The following ATP8A2 variants were observed in gnomAD, a reference collection of about 807,000 sequenced individuals.
ATP8A2 encodes the protein ATPase phospholipid transporting 8A2, also known as phospholipid-transporting ATPase IB.
In ATP8A2, 100 loss-of-function variants were observed where a neutral mutation model predicts 165.6. That is an observed-to-expected ratio of 0.60 (90% confidence interval 0.51 to 0.71). The LOEUF (loss-of-function observed/expected upper bound fraction) is 0.71. Among genes scored for constraint, ATP8A2 ranks in the 30% least tolerant of loss-of-function variants. The pLI is 0.00. For missense variants in ATP8A2, 1,227 were observed against 1,479.5 expected, an observed-to-expected ratio of 0.83 and a Z score of 2.80; for synonymous variants, 543 against 548.8, an observed-to-expected ratio of 0.99 and a Z score of 0.15.
At chr13:25,619,994 TAC>T (rs2040929621) in intron 24 of ATP8A2, among the ~76,000 whole-genome samples, 1 of 152,154 alleles carries the variant, frequency 6.6e-6, no homozygotes. Flanking sequence ...AGTTGAGGCA[TAC>T]AGAGTAGAAT....
intron 10 of ATP8A2, among the ~76,000 whole-genome samples, chr13:25,550,725 C>T (rs1204501636): frequency 6.6e-6 from 1 of 152,202 alleles, no homozygotes; most frequent in African/African-American, 2.4e-5. Flanking sequence ...CCCTTCCTGA[C>T]TCTTCTTGGT....
At chr13:25,511,890 CTT>C (rs34703609) in intron 2 of ATP8A2, among the ~76,000 whole-genome samples, 6 of 140,648 alleles carry the variant, frequency 4.3e-5, no homozygotes, top group Non-Finnish European at 3.1e-5. Flanking sequence ...CTGTGGAACT[CTT>C]TTTTTTTTTT....
At chr13:25,797,156 T>C (rs1422880973) in intron 27 of ATP8A2, among the ~76,000 whole-genome samples, 2 of 152,122 alleles carry the variant, frequency 1.3e-5, no homozygotes, top group African/African-American at 2.4e-5. Context: ...TAATCCCAGC[T>C]GCTCGGGAGG....
chr13:25,930,984 A>G (rs994383060), intron 33 of ATP8A2, among the ~76,000 whole-genome samples: 3 of 152,180 alleles, frequency 2.0e-5, no homozygotes, highest in African/African-American at 7.2e-5. Context: ...CCACTTTGAC[A>G]AGACCAGTTC....
intron 24 of ATP8A2, among the ~76,000 whole-genome samples, chr13:25,670,229 T>C (rs970675969): frequency 1.1e-4 from 17 of 152,244 alleles, no homozygotes; most frequent in Admixed American, 3.3e-4. Context: ...CACCATTTTG[T>C]ATGATGTGAT....
At chr13:25,613,291 A>G (rs535583474) in intron 24 of ATP8A2, among the ~76,000 whole-genome samples, 1 of 152,278 alleles carries the variant, frequency 6.6e-6, no homozygotes, top group African/African-American at 2.4e-5. Flanking sequence ...AGCTTCTTTT[A>G]GAAGTTCTTG....
chr13:25,560,700 CAAAAAAAAAAA>C (rs748751011), intron 15 of ATP8A2, among the ~76,000 whole-genome samples: 24 of 63,296 alleles, frequency 3.8e-4, no homozygotes, highest in South Asian at 7.4e-4. Flanking sequence ...ACTCTTGTCT[CAAAAAAAAAAA>C]AAAAAAAAAA....
intron 33 of ATP8A2, among the ~76,000 whole-genome samples, chr13:25,928,597 G>A (rs948265773): frequency 1.3e-5 from 2 of 152,228 alleles, no homozygotes; most frequent in African/African-American, 2.4e-5. Context: ...ATACTCAGAA[G>A]TGGTGTTTCA....
intron 2 of ATP8A2, among the ~76,000 whole-genome samples, chr13:25,512,733 G>C (rs1346375575): frequency 2.1e-5 from 3 of 143,846 alleles, no homozygotes; most frequent in Admixed American, 1.4e-4. Context: ...CGGGCGGGGG[G>C]CTGACCCCCC....
intron 24 of ATP8A2, among the ~76,000 whole-genome samples, chr13:25,664,186 G>A (rs1198371496): frequency 1.3e-5 from 2 of 152,106 alleles, no homozygotes; most frequent in African/African-American, 4.8e-5. Flanking sequence ...AACAAAAACT[G>A]AAGAAATTAG....
intron 2 of ATP8A2, among the ~76,000 whole-genome samples, chr13:25,528,012 C>T (rs1167111357): frequency 6.6e-6 from 1 of 152,142 alleles, no homozygotes; most frequent in Non-Finnish European, 1.5e-5. Flanking sequence ...GTCAGGATTG[C>T]TGTAGAGGTA....
At chr13:25,620,710 A>G (rs2040945992) in intron 24 of ATP8A2, among the ~76,000 whole-genome samples, 1 of 152,200 alleles carries the variant, frequency 6.6e-6, no homozygotes, top group South Asian at 2.1e-4. Flanking sequence ...TTTCAAGCAC[A>G]GTTTTACAGT....
chr13:25,386,010 G>A (rs1384679728), intron 1 of ATP8A2, among the ~76,000 whole-genome samples: 1 of 151,936 alleles, frequency 6.6e-6, no homozygotes, highest in African/African-American at 2.4e-5. Context: ...CTGCCTCCTG[G>A]GTTCTAGCGA....
chr13:25,835,876 C>T lies in ATP8A2; in HGVS notation c.2755-1287C>T, dbSNP rs193033361. Among the ~76,000 whole-genome samples, 3 of 152,222 alleles carry T rather than the reference C, an allele frequency of 2.0e-5. No individual in the cohort carries two copies. In the East Asian group the frequency reaches 5.8e-4, roughly 29 times the overall value. The stretch of plus-strand genomic sequence containing the variant: ...CTGTGTATCTTAGAAAGTTCCTCGT[C>T]CTTTAAATGACAACAATTTAAAGAT... On this transcript the variant is annotated intron_variant, in intron 28 of 36. Transcript: ENST00000381655.
intron 33 of ATP8A2, among the ~76,000 whole-genome samples, chr13:25,930,400 T>C (rs1303705951): frequency 2.1e-5 from 3 of 143,034 alleles, no homozygotes; most frequent in Non-Finnish European, 4.6e-5. Context: ...GTTCCTCCTG[T>C]GCATTAGGCC....
At chr13:25,716,020 G>A (rs2138004952) in intron 25 of ATP8A2, among the ~76,000 whole-genome samples, 1 of 152,200 alleles carries the variant, frequency 6.6e-6, no homozygotes, top group Admixed American at 6.5e-5. Flanking sequence ...CATCCTAGTG[G>A]GTATAAAGTG....
At chr13:25,480,516 C>T (rs564841218) in intron 2 of ATP8A2, among the ~76,000 whole-genome samples, 42 of 143,598 alleles carry the variant, frequency 2.9e-4, no homozygotes, top group Middle Eastern at 9.4e-3. Context: ...ACATCCCAGA[C>T]GGGGCGGCGG....
chr13:25,559,207 G>T (rs912894409), intron 14 of ATP8A2, 146 bp downstream of exon 14: 22 of 607,228 alleles, frequency 3.6e-5, no homozygotes, highest in African/African-American at 3.4e-4. Flanking sequence ...TAACTGAATG[G>T]ATCCCAAATT....
intron 1 of ATP8A2, among the ~76,000 whole-genome samples, chr13:25,432,581 A>C (rs9507517): frequency 0.43 from 65,057 of 151,956 alleles, 14,661 homozygotes; most frequent in East Asian, 0.59. Flanking sequence ...GGGAGGGCTC[A>C]GAGCTCCTAG....
Sources: allele counts gnomAD v4.1 joint callset (sites outside exome capture counted in the v4.1 genomes callset), GRCh38; gene constraint gnomAD v4.1.1; transcripts MANE v1.5; gene names NCBI Gene and HGNC (gene_info 2026-07-23, HGNC 2026-07-21).